Variants in SLC16A7 observed in about 807,000 individuals in gnomAD.
SLC16A7 encodes solute carrier family 16 member 7.
SLC16A7 carries 33 observed loss-of-function variants against 34.9 expected under a neutral mutation model. That is an observed-to-expected ratio of 0.94 (90% CI 0.72 to 1.26). SLC16A7 has a LOEUF of 1.26. Ranked by LOEUF, SLC16A7 falls within the 50% of genes most tolerant of loss-of-function variation. The pLI, the probability that SLC16A7 is intolerant of heterozygous loss-of-function variation, is 0.00. For synonymous variants in SLC16A7, 201 were observed against 206.6 expected, an observed-to-expected ratio of 0.97 and a Z score of 0.23; for missense variants, 573 against 578.1, an observed-to-expected ratio of 0.99 and a Z score of 0.09.
intron 2 of SLC16A7, among the ~76,000 whole-genome samples, chr12:59,662,265 G>A (rs1360329393): frequency 1.3e-5 from 2 of 152,080 alleles, no homozygotes; most frequent in Admixed American, 6.6e-5. Context: ...AGGGAAATGT[G>A]TAAAATGCTT....
chr12:59,625,123 G>A (rs964996373), intron 1 of SLC16A7, among the ~76,000 whole-genome samples: 1 of 151,702 alleles, frequency 6.6e-6, no homozygotes, highest in Non-Finnish European at 1.5e-5. Context: ...ATATTACAAA[G>A]GACAGAGACT....
rs369574367 is a variant in SLC16A7 at position 59,713,021 on chromosome 12, CT to C, written c.217+8007del. On this transcript the variant is annotated intron_variant, in intron 3 of 5. Transcript: ENST00000547379. ...CTTTTCTTTTCTTTTCTTTTTTTTT[CT>C]TTTCTTTTCTTTTTTGAGATGTAGT... is the stretch of plus-strand genomic sequence containing the variant. Among the ~76,000 whole-genome samples, 145 of 150,088 alleles carry C rather than the reference CT, an allele frequency of 9.7e-4. 2 individuals are homozygous for C. Among genetic ancestry groups the C allele is most frequent in the African/African-American group, 3.4e-3 (140 of 40,820 alleles).
chr12:59,710,573 C>G (rs769774192), intron 3 of SLC16A7, among the ~76,000 whole-genome samples: 7 of 152,108 alleles, frequency 4.6e-5, no homozygotes, highest in Non-Finnish European at 1.0e-4. Flanking sequence ...TTATTTTCAA[C>G]AGAAATTCTA....
At chr12:59,644,607 A>C (rs1051285014) in intron 1 of SLC16A7, among the ~76,000 whole-genome samples, 2 of 152,142 alleles carry the variant, frequency 1.3e-5, no homozygotes, top group East Asian at 3.9e-4. Context: ...CTTACGTTTT[A>C]GTTTTAGAAG....
intron 3 of SLC16A7, among the ~76,000 whole-genome samples, chr12:59,751,327 G>C (rs1284656834): frequency 6.6e-6 from 1 of 152,218 alleles, no homozygotes; most frequent in African/African-American, 2.4e-5. Context: ...AAGCGCAAGG[G>C]GTCAGGGAGT....
intron 3 of SLC16A7, among the ~76,000 whole-genome samples, chr12:59,765,257 A>G (rs957462487): frequency 6.6e-6 from 1 of 152,034 alleles, no homozygotes; most frequent in African/African-American, 2.4e-5. Context: ...AGTAGGTTGC[A>G]AAAATTTTCT....
intron 3 of SLC16A7, among the ~76,000 whole-genome samples, chr12:59,766,811 G>C (rs1881693529): frequency 6.6e-6 from 1 of 152,058 alleles, no homozygotes; most frequent in African/African-American, 2.4e-5. Flanking sequence ...TTGTGTCTCT[G>C]CCAGGCTTTG....
intron 1 of SLC16A7, among the ~76,000 whole-genome samples, chr12:59,643,157 AATATTTACTCC>A (rs1342851007): frequency 6.6e-6 from 1 of 152,116 alleles, no homozygotes; most frequent in Non-Finnish European, 1.5e-5. Context: ...CATTAACTTT[AATATTTACTCC>A]AATGTAATTA....
At chr12:59,662,862 T>G (rs1478134089) in intron 2 of SLC16A7, among the ~76,000 whole-genome samples, 1 of 152,290 alleles carries the variant, frequency 6.6e-6, no homozygotes, top group African/African-American at 2.4e-5. Context: ...TAATTTTTTG[T>G]ATATTTGCTT....
Position 59,701,111 on chromosome 12 carries a change from AT to A in SLC16A7, c.-30-3657del, listed in dbSNP as rs573109337. On this transcript the variant is annotated intron_variant, in intron 2 of 5. Coordinates refer to ENST00000547379, the MANE Select transcript of SLC16A7 (RefSeq NM_001270623.2). ...TATATTTTTTCTCTTCAAAAATGTA[AT>A]TTTAAGATCTTCACTCATCTTCATT... Among the ~76,000 whole-genome samples the A allele has an allele frequency of 1.4e-3, 213 of 151,872 alleles. 1 individual carries two copies. Among genetic ancestry groups the A allele is most frequent in the Middle Eastern group, 6.8e-3 (2 of 292 alleles).
intron 3 of SLC16A7, among the ~76,000 whole-genome samples, chr12:59,753,467 T>C (rs1879861821): frequency 6.6e-6 from 1 of 152,096 alleles, no homozygotes; most frequent in Non-Finnish European, 1.5e-5. Flanking sequence ...TAGACTCTGA[T>C]AAAACAGACT....
rs1316923255 is a variant in SLC16A7 at position 59,781,353 on chromosome 12, G to A, written c.*1674G>A. ...ACTCTTAAGATGTCAAAGGGAATTA[G>A]CCATTTTTTTTATTGTAATAAAGGC... On this transcript the variant is annotated 3_prime_UTR_variant, in exon 6 of 6. Coordinates refer to ENST00000547379, the MANE Select transcript of SLC16A7 (RefSeq NM_001270623.2). The A allele has an allele frequency of 6.6e-6, 1 of 152,450 alleles. No homozygotes were observed. Among genetic ancestry groups the A allele is most frequent in the Non-Finnish European group, 1.5e-5 (1 of 67,976 alleles). 9.4% of individuals were successfully genotyped at this position (152,450 alleles called of 1,614,324 possible). A position where few individuals can be genotyped will look rare whatever the true frequency, so the allele number is the denominator to read the frequency against.
chr12:59,646,865 T>G (rs761073565), intron 1 of SLC16A7, among the ~76,000 whole-genome samples: 13 of 152,138 alleles, frequency 8.5e-5, no homozygotes, highest in Non-Finnish European at 1.5e-4. Context: ...GAGTCAGCTT[T>G]TGGAACTTTA....
intron 3 of SLC16A7, among the ~76,000 whole-genome samples, chr12:59,709,313 C>T (rs759108805): frequency 2.6e-5 from 4 of 151,442 alleles, no homozygotes; most frequent in East Asian, 1.9e-4. Flanking sequence ...TGAATAGTGA[C>T]GGCCAATTGT....
Position 59,785,677 on chromosome 12 carries a change from T to C in SLC16A7, c.*5998T>C, listed in dbSNP as rs1364579318. On this transcript the variant is annotated 3_prime_UTR_variant, in exon 6 of 6. Coordinates refer to ENST00000547379, the MANE Select transcript of SLC16A7 (RefSeq NM_001270623.2). Reference sequence around the variant, plus strand: ...CTACATGTTTTTCAGTCTCCATATATACTTGTTAATAAGGTGAGCAATATT... The same window carrying C: ...CTACATGTTTTTCAGTCTCCATATACACTTGTTAATAAGGTGAGCAATATT... The C allele has an allele frequency of 2.6e-5, 4 of 152,112 alleles. No homozygotes were observed. Among genetic ancestry groups the C allele is most frequent in the African/African-American group, 7.2e-5 (3 of 41,426 alleles). 9.4% of individuals were successfully genotyped at this position (152,112 alleles called of 1,614,324 possible).
At chr12:59,633,454 T>G (rs1880275804) in intron 1 of SLC16A7, among the ~76,000 whole-genome samples, 2 of 152,040 alleles carry the variant, frequency 1.3e-5, no homozygotes, top group African/African-American at 2.4e-5. Context: ...TAGAGTTCAA[T>G]CCCTACAGTT....
chr12:59,757,765 G>A (rs2706294), intron 3 of SLC16A7, among the ~76,000 whole-genome samples: 18,618 of 151,800 alleles, frequency 0.12, 1,489 homozygotes, highest in African/African-American at 0.22. Context: ...CCTACTTAAC[G>A]TGAAGATAAT....
Position 59,636,721 on chromosome 12 carries a change from G to A in SLC16A7, c.-129-18431G>A, listed in dbSNP as rs573129513. Reference sequence around the variant, plus strand: ...AATTCAGCTGGAGAGACAATAAGTAGTACATACATTTGGAGATATATGATG... The same window carrying A: ...AATTCAGCTGGAGAGACAATAAGTAATACATACATTTGGAGATATATGATG... On this transcript the variant is annotated intron_variant, in intron 1 of 5. Transcript: ENST00000547379. Among the ~76,000 whole-genome samples, 4 of 152,184 alleles carry A rather than the reference G, an allele frequency of 2.6e-5. No individual in the cohort carries two copies. In the South Asian group the frequency reaches 8.3e-4, roughly 32 times the overall value.
intron 1 of SLC16A7, among the ~76,000 whole-genome samples, chr12:59,653,563 A>G (rs918468829): frequency 2.0e-5 from 3 of 151,684 alleles, no homozygotes. Context: ...TAATAATACC[A>G]GTAATTTTGT....
Sources: allele counts gnomAD v4.1 joint callset (sites outside exome capture counted in the v4.1 genomes callset), GRCh38; gene constraint gnomAD v4.1.1; transcripts MANE v1.5; gene names NCBI Gene and HGNC (gene_info 2026-07-23, HGNC 2026-07-21).